Variants in PLSCR2 observed in about 807,000 individuals in gnomAD.
The protein encoded by PLSCR2 is phospholipid scramblase 2, also known as PL scramblase 2.
Under a neutral mutation model 25.3 loss-of-function variants are expected in PLSCR2, and 18 were observed. That is an observed-to-expected ratio of 0.71 (90% CI 0.49 to 1.06). The LOEUF is 1.06. Ranked by LOEUF, PLSCR2 falls within the 50% of genes least tolerant of loss-of-function variation. The pLI is 0.00. For synonymous variants in PLSCR2, 88 were observed against 87.3 expected (o/e 1.01, Z -0.04); for missense variants, 243 against 269.5 (o/e 0.90, Z 0.69).
chr3:146,476,511 G>C (rs538651208), intron 1 of PLSCR2, among the ~76,000 whole-genome samples: 4 of 152,198 alleles, frequency 2.6e-5, no homozygotes, highest in Admixed American at 1.3e-4. Context: ...GAGCTCCCAG[G>C]GGGAGGGGAA....
chr3:146,412,198 T>C (rs1464864498), intron 2 of PLSCR2, among the ~76,000 whole-genome samples: 2 of 152,184 alleles, frequency 1.3e-5, no homozygotes, highest in Non-Finnish European at 2.9e-5. Context: ...TGCAGTCTCA[T>C]GCTTGCACCT....
intron 1 of PLSCR2, among the ~76,000 whole-genome samples, chr3:146,472,725 A>G (rs1267415113): frequency 1.3e-5 from 2 of 152,222 alleles, no homozygotes; most frequent in Non-Finnish European, 2.9e-5. Flanking sequence ...AGGCTTCAAC[A>G]TATAAATTTT....
intron 6 of PLSCR2, among the ~76,000 whole-genome samples, chr3:146,445,426 G>C (rs566149884): frequency 6.6e-6 from 1 of 152,140 alleles, no homozygotes; most frequent in Admixed American, 6.5e-5. Context: ...AATTTTGTTG[G>C]ATATACTATT....
intron 1 of PLSCR2, among the ~76,000 whole-genome samples, chr3:146,484,158 G>A (rs1164668960): frequency 6.6e-6 from 1 of 151,054 alleles, no homozygotes; most frequent in Non-Finnish European, 1.5e-5. Context: ...AAGTAAAATA[G>A]CCAAATCGAT....
At chr3:146,397,472 C>T (rs1365862795) in intron 2 of PLSCR2, among the ~76,000 whole-genome samples, 2 of 152,062 alleles carry the variant, frequency 1.3e-5, no homozygotes. Flanking sequence ...TATCTCTTTC[C>T]TCTTATTCAT....
At chr3:146,483,370 A>G (rs2043198933) in intron 1 of PLSCR2, among the ~76,000 whole-genome samples, 1 of 147,056 alleles carries the variant, frequency 6.8e-6, no homozygotes, top group Admixed American at 6.8e-5. Context: ...AACATGGCAC[A>G]TGTATACCTA....
chr3:146,461,816 G>T (rs1243194658), upstream of PLSCR2: 14 of 832,230 alleles, frequency 1.7e-5, no homozygotes, highest in Non-Finnish European at 2.6e-5. Flanking sequence ...TTTTATCCCA[G>T]GTGTCATTGA....
At chr3:146,472,658 A>G (rs1056382222) in intron 1 of PLSCR2, among the ~76,000 whole-genome samples, 8 of 152,110 alleles carry the variant, frequency 5.3e-5, no homozygotes, top group African/African-American at 1.9e-4. Flanking sequence ...TGAGAGTTCC[A>G]TTCTCGTGAC....
intron 2 of PLSCR2, among the ~76,000 whole-genome samples, chr3:146,413,555 GCT>G (rs1200690782): frequency 7.9e-5 from 12 of 152,196 alleles, no homozygotes; most frequent in African/African-American, 2.6e-4. Context: ...CTTCCCTAAA[GCT>G]CAAGGGCATG....
chr3:146,403,644 A>G (rs533395668), intron 2 of PLSCR2, among the ~76,000 whole-genome samples: 1 of 152,220 alleles, frequency 6.6e-6, no homozygotes, highest in South Asian at 2.1e-4. Flanking sequence ...CATTATTTTT[A>G]TGACTCTATG....
chr3:146,400,339 T>C (rs2038424197), intron 2 of PLSCR2, among the ~76,000 whole-genome samples: 2 of 151,594 alleles, frequency 1.3e-5, no homozygotes, highest in Admixed American at 6.6e-5. Flanking sequence ...CAATATACTA[T>C]ATACAAGCAA....
At chr3:146,471,310 C>T (rs966495116) in intron 1 of PLSCR2, among the ~76,000 whole-genome samples, 4 of 152,096 alleles carry the variant, frequency 2.6e-5, no homozygotes, top group South Asian at 2.1e-4. Flanking sequence ...CACACCTCTT[C>T]GATTCTAGAA....
At chr3:146,393,978 CT>C (rs2038186175) in intron 3 of PLSCR2, among the ~76,000 whole-genome samples, 2 of 152,012 alleles carry the variant, frequency 1.3e-5, no homozygotes, top group South Asian at 4.2e-4. Context: ...CTTTTTAACA[CT>C]TGTCTCTATA....
At chr3:146,493,459 A>T (rs1378608095) in intron 1 of PLSCR2, among the ~76,000 whole-genome samples, 2 of 152,184 alleles carry the variant, frequency 1.3e-5, no homozygotes, top group Non-Finnish European at 2.9e-5. Context: ...TAATCCTGTA[A>T]TGCGAGATTG....
chr3:146,464,185 C>T (rs1560033608), upstream of PLSCR2, among the ~76,000 whole-genome samples: 1 of 152,150 alleles, frequency 6.6e-6, no homozygotes, highest in Admixed American at 6.5e-5. Context: ...AGCTAGTAAA[C>T]ATGTGTAACT....
intron 6 of PLSCR2, among the ~76,000 whole-genome samples, chr3:146,446,810 G>C (rs1442084851): frequency 6.6e-6 from 1 of 152,106 alleles, no homozygotes; most frequent in African/African-American, 2.4e-5. Context: ...CCAGAGTTGG[G>C]AACCTTAGGA....
Position 146,449,266 on chromosome 3 carries a change from T to C in PLSCR2, c.585A>G (p.Gln195=), listed in dbSNP as rs150056221. ...TTTTAACATCAAGGTCTCTAGGGAA[T>C]TGGATTCCAAAGTTGTCAGCATCAG... The change falls in exon 6 of 7, where the codon CAA becomes CAG. Residue 195 remains glutamine (Q), a synonymous_variant. Coordinates refer to ENST00000610787, the Ensembl canonical transcript of PLSCR2. The C allele has an allele frequency of 2.2e-3, 3,485 of 1,613,192 alleles. 8 individuals are homozygous for C. The highest frequency in any genetic ancestry group is 2.6e-3 in the Non-Finnish European group (3,097 of 1,179,382).
intron 2 of PLSCR2, among the ~76,000 whole-genome samples, 166 bp downstream of exon 2, chr3:146,459,682 A>C (rs1482283727): frequency 6.6e-6 from 1 of 152,240 alleles, no homozygotes; most frequent in African/African-American, 2.4e-5. Flanking sequence ...AATCGAACCC[A>C]AAAGAACTAG....
intron 2 of PLSCR2, among the ~76,000 whole-genome samples, chr3:146,421,655 C>A (rs2039158358): frequency 6.6e-6 from 1 of 151,972 alleles, no homozygotes; most frequent in East Asian, 1.9e-4. Flanking sequence ...GAGATCCAAG[C>A]CACCACAACA....
Sources: allele counts gnomAD v4.1 joint callset (sites outside exome capture counted in the v4.1 genomes callset), GRCh38; gene constraint gnomAD v4.1.1; transcripts MANE v1.5; gene names NCBI Gene and HGNC (gene_info 2026-07-23, HGNC 2026-07-21).